The following BLVRB variants were observed in gnomAD, a reference collection of about 807,000 sequenced individuals.
BLVRB encodes biliverdin reductase B.
A neutral mutation model predicts 21.1 loss-of-function variants in BLVRB; 25 were observed. That is an observed-to-expected ratio of 1.19 (90% CI 0.86 to 1.66). The LOEUF (loss-of-function observed/expected upper bound fraction) is 1.66, where lower values mean the gene tolerates loss of function less well. Ranked by LOEUF, BLVRB falls within the 40% of genes most tolerant of loss-of-function variation. BLVRB has a pLI of 0.00. For missense variants in BLVRB, 274 were observed against 282.7 expected (o/e 0.97, Z 0.22); for synonymous variants, 128 against 122.2 (o/e 1.05, Z -0.31).
rs999091389 is a variant in BLVRB, at chr19:40,462,023, C to T, written c.80-3478G>A. 2.0e-5 allele frequency among the ~76,000 whole-genome samples: 3 copies of T among 152,224 alleles called. No homozygotes were observed. The East Asian group carries it at 5.8e-4, about 29-fold the overall frequency. On this transcript the variant is annotated intron_variant, in intron 1 of 4. Transcript: ENST00000263368. ...CATGTTTTCTGCCATCTCCCTGAACCTTTGTAAACACAAAAGCACAGGCAT... is the reference window on the plus strand; with the variant it reads ...CATGTTTTCTGCCATCTCCCTGAACTTTTGTAAACACAAAAGCACAGGCAT...
rs1181450690 is a variant in BLVRB at position 40,458,171 on chromosome 19, G to A, written c.318C>T (p.Val106=). 3.1e-6 allele frequency: 5 copies of A among 1,613,832 alleles called. No individual in the cohort carries two copies. Among genetic ancestry groups the A allele is most frequent in the South Asian group, 1.1e-5 (1 of 91,048 alleles). The change falls in exon 3 of 5, where the codon GTC becomes GTT. Residue 106 remains valine, a synonymous_variant. Coordinates refer to ENST00000263368, the MANE Select transcript of BLVRB (RefSeq NM_000713.3). ...ACCACCCACCCGAGGTGCAGGCCAC[G>A]ACCTTGTCCACACCATGAGCCTTCA... ...AAMKAHGVDK[V]VACTSAFLLW...
chr19:40,460,269 T>TATATATATATATATATACAC (rs1281133813), intron 1 of BLVRB, among the ~76,000 whole-genome samples: 6 of 140,692 alleles, frequency 4.3e-5, no homozygotes, highest in African/African-American at 1.7e-4. Flanking sequence ...TATATATATA[T>TATATATATATATATATACAC]ATATATTTAG....
At chr19:40,463,551 CTCCTTCCCTCCCTTCTT>C (rs1568741679) in intron 1 of BLVRB, among the ~76,000 whole-genome samples, 1 of 144,906 alleles carries the variant, frequency 6.9e-6, no homozygotes, top group Non-Finnish European at 1.5e-5. Flanking sequence ...CCCTCCCTCC[CTCCTTCCCTCCCTTCTT>C]TCCTTCCCTC....
At chr19:40,455,090 G>A (rs968858341) in intron 3 of BLVRB, among the ~76,000 whole-genome samples, 3 of 149,604 alleles carry the variant, frequency 2.0e-5, no homozygotes, top group East Asian at 2.0e-4. Flanking sequence ...CAAGCAATCC[G>A]CCCACCTTGG....
At chr19:40,463,157 C>A (rs1435395193) in intron 1 of BLVRB, among the ~76,000 whole-genome samples, 1 of 152,002 alleles carries the variant, frequency 6.6e-6, no homozygotes, top group Non-Finnish European at 1.5e-5. Context: ...GTATCATTAT[C>A]CTGTCCACAT....
rs1281133813 is a variant in BLVRB at position 40,460,269 on chromosome 19, T to TATATATATATATATATATAC, written c.80-1725_80-1724insGTATATATATATATATATAT. 6.9e-3 allele frequency among the ~76,000 whole-genome samples: 963 copies of TATATATATATATATATATAC among 140,462 alleles called. 43 individuals carry two copies. The highest frequency in any genetic ancestry group is 0.026 in the African/African-American group (914 of 35,562). 92.1% of individuals were successfully genotyped at this position (140,462 alleles called of 152,430 possible). On this transcript the variant is annotated intron_variant, in intron 1 of 4. Coordinates refer to ENST00000263368, the MANE Select transcript of BLVRB (RefSeq NM_000713.3). ...CAACATATATATATATATATATATA[T>TATATATATATATATATATAC]ATATATTTAGAGACAGGGTCTTGCT...
intron 1 of BLVRB, among the ~76,000 whole-genome samples, chr19:40,459,309 C>G (rs1266400898): frequency 2.2e-5 from 2 of 88,970 alleles, no homozygotes; most frequent in Non-Finnish European, 4.1e-5. Context: ...GCCTGGATGA[C>G]AAAGCGAGAC....
chr19:40,460,145 A>G (rs2079780078), intron 1 of BLVRB, among the ~76,000 whole-genome samples: 1 of 151,666 alleles, frequency 6.6e-6, no homozygotes, highest in Admixed American at 6.6e-5. Context: ...TTCAACACAC[A>G]CACACATACA....
intron 3 of BLVRB, 100 bp from the exon 4 acceptor site, chr19:40,451,592 G>T: frequency 7.2e-7 from 1 of 1,393,214 alleles, no homozygotes; most frequent in African/African-American, 1.5e-5. Context: ...GAGTGCAGTG[G>T]CGCAATCTCG....
intron 1 of BLVRB, among the ~76,000 whole-genome samples, chr19:40,462,363 C>T (rs60438882): frequency 0.11 from 17,055 of 150,794 alleles, 1,047 homozygotes; most frequent in African/African-American, 0.15. Context: ...ACTGCAACCT[C>T]CGCCTCCCAG....
At chr19:40,453,851 C>T (rs1487381448) in intron 3 of BLVRB, among the ~76,000 whole-genome samples, 4 of 152,010 alleles carry the variant, frequency 2.6e-5, no homozygotes, top group Non-Finnish European at 5.9e-5. Flanking sequence ...ATTAGCCAGG[C>T]GTGGGGACCT....
At chr19:40,460,132 C>T (rs2079780022) in intron 1 of BLVRB, among the ~76,000 whole-genome samples, 1 of 151,686 alleles carries the variant, frequency 6.6e-6, no homozygotes. Context: ...AATTTTGTTT[C>T]TCTTCAACAC....
rs1568739531 is a variant in BLVRB at position 40,458,364 on chromosome 19, G to GA, written c.244+16dup. ...GAGGTGTAGGGGAGGGCCGTGGGCA[G>GA]AGGGGGGGCTCAGTACTGAGGTCAT... On this transcript the variant is annotated intron_variant, in intron 2 of 4. Transcript: ENST00000263368. 1 of 1,557,816 alleles carries GA rather than the reference G, an allele frequency of 6.4e-7. No individual in the cohort carries two copies. The highest frequency in any genetic ancestry group is 1.4e-5 in the African/African-American group (1 of 73,926).
intron 3 of BLVRB, among the ~76,000 whole-genome samples, chr19:40,453,155 T>TC (rs1237226088): frequency 6.6e-6 from 1 of 152,198 alleles, no homozygotes; most frequent in African/African-American, 2.4e-5. Flanking sequence ...AAGCGATCCT[T>TC]CCATCTCGAC....
At chr19:40,458,128 C>T (rs766901756) in intron 3 of BLVRB, 27 bp downstream of exon 3, 18 of 1,609,436 alleles carry the variant, frequency 1.1e-5, no homozygotes, top group Middle Eastern at 3.3e-4. Flanking sequence ...CCCAGTTCAG[C>T]CCCACCTCCA....
At chr19:40,449,996 G>T (rs1035157367) in intron 4 of BLVRB, among the ~76,000 whole-genome samples, 2 of 151,098 alleles carry the variant, frequency 1.3e-5, no homozygotes, top group Non-Finnish European at 3.0e-5. Flanking sequence ...TCAAGAGATC[G>T]AGACCATCTT....
rs376487651 is a variant in BLVRB, at chr19:40,458,283, C to T, written c.245-39G>A. On this transcript the variant is annotated intron_variant, in intron 2 of 4. Transcript: ENST00000263368. ...GAGAGTGGCTGTCACTGGTGGGCGG[C>T]GGCGGCGGCAGGGGTGGCAGGGGCG... 3.5e-4 allele frequency: 338 copies of T among 978,210 alleles called. 1 individual carries two copies. In the African/African-American group the frequency reaches 4.6e-3, roughly 13 times the overall value. The allele number at this position is 978,210 out of a possible 1,614,324, so 60.6% of individuals were successfully genotyped here.
At chr19:40,456,987 A>G (rs34524101) in intron 3 of BLVRB, among the ~76,000 whole-genome samples, 1 of 152,126 alleles carries the variant, frequency 6.6e-6, no homozygotes, top group African/African-American at 2.4e-5. Context: ...CAATCTGCGA[A>G]CAAAAGTAAG....
chr19:40,455,825 G>T (rs1031789129), intron 3 of BLVRB, among the ~76,000 whole-genome samples: 2 of 151,992 alleles, frequency 1.3e-5, no homozygotes, highest in Non-Finnish European at 2.9e-5. Flanking sequence ...TCAGGAATAT[G>T]GCTGTTGGCC....
Sources: allele counts gnomAD v4.1 joint callset (sites outside exome capture counted in the v4.1 genomes callset), GRCh38; gene constraint gnomAD v4.1.1; transcripts MANE v1.5; gene names NCBI Gene and HGNC (gene_info 2026-07-23, HGNC 2026-07-21).